Variants in GRK7 observed in about 807,000 individuals in gnomAD.
GRK7 encodes the protein rhodopsin kinase GRK7.
A neutral mutation model predicts 34.1 loss-of-function variants in GRK7; 24 were observed. The ratio of observed to expected loss-of-function variants is 0.70; its 90% CI spans 0.51 to 0.99. GRK7 has a LOEUF of 0.99. Among genes scored for constraint, GRK7 ranks in the 50% least tolerant of loss-of-function variants. GRK7 has a pLI of 0.00. For synonymous variants in GRK7, 256 were observed against 279.4 expected, an observed-to-expected ratio of 0.92 and a Z score of 0.84; for missense variants, 644 against 707.3, an observed-to-expected ratio of 0.91 and a Z score of 1.02.
the GRK7 span, among the ~76,000 whole-genome samples, chr3:141,752,405 GGAT>G: frequency 6.6e-6 from 1 of 152,104 alleles, no homozygotes; most frequent in Non-Finnish European, 1.5e-5. Context: ...TAGAGGCCAG[GGAT>G]GCTGCTAAAC....
chr3:141,814,920 GTT>G (rs33965909), intron 5 of GRK7, among the ~76,000 whole-genome samples: 26 of 120,374 alleles, frequency 2.2e-4, no homozygotes, highest in African/African-American at 4.0e-4. Flanking sequence ...TTGTTGGTTG[GTT>G]TTTTTTTTTT....
At chr3:141,789,966 T>C (rs1480091084) in intron 4 of GRK7, among the ~76,000 whole-genome samples, 1 of 152,198 alleles carries the variant, frequency 6.6e-6, no homozygotes, top group Non-Finnish European at 1.5e-5. Flanking sequence ...CTCCATCTTA[T>C]TGAGTTCATG....
In GRK7 at chr3:141,778,828, G is replaced by C. The variant is rs143277568; in HGVS notation, c.544G>C (p.Glu182Gln). Residue 182 changes from glutamate to glutamine, a missense_variant, in exon 3 of 6, where the codon GAG becomes CAG. Glu to Gln is a conservative substitution (Grantham distance 29). Coordinates refer to ENST00000682958, the MANE Select transcript of GRK7 (RefSeq NM_139209.3). This position sits in a 1 kb window ranked among gnomAD's most constrained non-coding sequence, Gnocchi z 4.1. ...YDKFLQWKLF[E>Q]MQPVSDKYFT... ...CAAGTTTCTGCAGTGGAAACTCTTCGAGATGCAACCAGTGTCAGACAAGTA... is the reference window on the plus strand; with the variant it reads ...CAAGTTTCTGCAGTGGAAACTCTTCCAGATGCAACCAGTGTCAGACAAGTA... 3.2e-5 allele frequency: 52 copies of C among 1,612,158 alleles called. No homozygotes were observed. In the African/African-American group the frequency reaches 5.9e-4, roughly 18 times the overall value.
chr3:141,802,366 T>TCTCACACACACA (rs1553737502), intron 4 of GRK7, among the ~76,000 whole-genome samples: 8 of 145,678 alleles, frequency 5.5e-5, no homozygotes, highest in Middle Eastern at 6.8e-3. Flanking sequence ...TCTTTCTCTG[T>TCTCACACACACA]CACACACACA....
chr3:141,800,692 A>G (rs1479061860), intron 4 of GRK7, among the ~76,000 whole-genome samples: 1 of 152,214 alleles, frequency 6.6e-6, no homozygotes, highest in East Asian at 1.9e-4. Context: ...ACATGAAAGA[A>G]TACATACTAT....
chr3:141,796,244 T>C (rs1710870624), intron 4 of GRK7, among the ~76,000 whole-genome samples: 1 of 152,142 alleles, frequency 6.6e-6, no homozygotes, highest in Non-Finnish European at 1.5e-5. Flanking sequence ...TGCCTTCTAA[T>C]TGGCACAAAT....
At chr3:141,786,138 T>A (rs2084695125) in intron 4 of GRK7, among the ~76,000 whole-genome samples, 1 of 152,074 alleles carries the variant, frequency 6.6e-6, no homozygotes, top group Non-Finnish European at 1.5e-5. Context: ...AAATAGAGTA[T>A]TTCATTTTCC....
chr3:141,761,671 A>G (rs888743005), upstream of GRK7, among the ~76,000 whole-genome samples: 4 of 118,962 alleles, frequency 3.4e-5, no homozygotes, highest in Admixed American at 3.6e-4. Context: ...CTGCCTTGCT[A>G]GACTGGGGAA....
At chr3:141,767,978 T>C (rs2084597331) in intron 1 of GRK7, among the ~76,000 whole-genome samples, 1 of 152,240 alleles carries the variant, frequency 6.6e-6, no homozygotes, top group Non-Finnish European at 1.5e-5. Flanking sequence ...AACTCTGTGA[T>C]TATTGGATAA....
intron 4 of GRK7, among the ~76,000 whole-genome samples, chr3:141,793,893 A>C (rs186307462): frequency 3.2e-4 from 48 of 152,278 alleles, no homozygotes; most frequent in African/African-American, 1.1e-3. Context: ...TGGATTTGCT[A>C]TTTAATGTCA....
Position 141,798,521 on chromosome 3 carries a change from T to C in GRK7, c.1051-9124T>C, listed in dbSNP as rs372507744. 1.2e-4 allele frequency among the ~76,000 whole-genome samples: 19 copies of C among 152,282 alleles called. No individual in the cohort carries two copies. The East Asian group carries it at 3.5e-3, about 28-fold the overall frequency. ...GATACTCGGGCAATCCCTACAGCCC[T>C]GGGCATGGCGGTTCTGGTCACATGC... is the stretch of plus-strand genomic sequence containing the variant. On this transcript the variant is annotated intron_variant, in intron 4 of 5. Coordinates refer to ENST00000682958, the MANE Select transcript of GRK7 (RefSeq NM_139209.3).
At chr3:141,812,964 G>C (rs1216401116) in intron 5 of GRK7, among the ~76,000 whole-genome samples, 2 of 152,146 alleles carry the variant, frequency 1.3e-5, no homozygotes, top group African/African-American at 2.4e-5. Context: ...CATTCTCTTT[G>C]AGACATGCAG....
rs781008881 is a variant in GRK7, at chr3:141,778,665, C to T, written c.381C>T (p.Ser127=). ...PAPGNPQPFL[S]QAVATKCQAA... ...CGGGGAACCCGCAACCCTTCCTCAG[C>T]CAGGCCGTGGCCACCAAGTGCCAAG... The change falls in exon 3 of 6, where the codon AGC becomes AGT. Residue 127 remains serine (S), a synonymous_variant. Transcript: ENST00000682958. The surrounding 1 kb of genome is among the most constrained non-coding windows in gnomAD (Gnocchi z 4.1). The T allele has an allele frequency of 2.5e-6, 4 of 1,613,504 alleles. No homozygotes were observed. Among genetic ancestry groups the T allele is most frequent in the Non-Finnish European group, 3.4e-6 (4 of 1,179,786 alleles).
chr3:141,771,370 ACT>A (rs989606242), intron 1 of GRK7, among the ~76,000 whole-genome samples: 25 of 152,202 alleles, frequency 1.6e-4, no homozygotes, highest in Admixed American at 1.4e-3. Flanking sequence ...TACAGCATGT[ACT>A]CTCTCAATAA....
At chr3:141,813,310 A>G (rs145962691) in intron 5 of GRK7, among the ~76,000 whole-genome samples, 4,941 of 152,236 alleles carry the variant, frequency 0.032, 269 homozygotes, top group African/African-American at 0.11. Flanking sequence ...ATTTTTTAGT[A>G]GAGACAGGGT....
rs184042279 is a variant in GRK7, at chr3:141,809,515, T to C, written c.1325+1596T>C. 1.3e-4 allele frequency among the ~76,000 whole-genome samples: 19 copies of C among 151,976 alleles called. No individual in the cohort carries two copies. The East Asian group carries it at 3.3e-3, about 26-fold the overall frequency. ...GAGTTCAAGACCAGCCTAAGCAACA[T>C]AGAGAGACTGTGCCTCTACGGAAAA... On this transcript the variant is annotated intron_variant, in intron 5 of 5. Transcript: ENST00000682958.
At chr3:141,799,230 G>C (rs1710924790) in intron 4 of GRK7, among the ~76,000 whole-genome samples, 1 of 152,262 alleles carries the variant, frequency 6.6e-6, no homozygotes, top group East Asian at 1.9e-4. Flanking sequence ...GACTCTACAA[G>C]GGAGAAAAGA....
At chr3:141,813,547 T>C (rs1007754507) in intron 5 of GRK7, among the ~76,000 whole-genome samples, 6 of 152,192 alleles carry the variant, frequency 3.9e-5, no homozygotes, top group Non-Finnish European at 8.8e-5. Flanking sequence ...CAAGCCTGCA[T>C]TTTCTTTCTT....
At chr3:141,756,008 TAAAAAAAAA>T in the GRK7 span, among the ~76,000 whole-genome samples, 2 of 137,560 alleles carry the variant, frequency 1.5e-5, no homozygotes, top group Non-Finnish European at 3.2e-5. Flanking sequence ...CTCAGCAGTT[TAAAAAAAAA>T]AAAAAAAAAG....
Sources: gnomAD v4.1 joint callset for allele counts (sites outside exome capture counted in the v4.1 genomes callset) on GRCh38, gnomAD v4.1.1 for gene constraint, Gnocchi (gnomAD v3.1) non-coding constraint, MANE v1.5 for transcripts, NCBI Gene and HGNC (gene_info 2026-07-23, HGNC 2026-07-21) for gene names.